DIAPH1: variants seen among roughly 807,000 people sequenced by gnomAD.
DIAPH1 encodes protein diaphanous homolog 1.
In DIAPH1, 46 loss-of-function variants were observed where a neutral mutation model predicts 140.7. That is an observed-to-expected ratio of 0.33 (90% confidence interval 0.26 to 0.42). The LOEUF is 0.42. Ranked by LOEUF, DIAPH1 falls within the 10% of genes least tolerant of loss-of-function variation. The pLI, the probability that DIAPH1 is intolerant of heterozygous loss-of-function variation, is 1.00. For synonymous variants in DIAPH1, 565 were observed against 551.6 expected (o/e 1.02, Z -0.34); for missense variants, 1,310 against 1,558.7 (o/e 0.84, Z 2.69).
chr5:141,571,171 G>A (rs964810215), intron 18 of DIAPH1, among the ~76,000 whole-genome samples: 5 of 152,134 alleles, frequency 3.3e-5, no homozygotes, highest in Non-Finnish European at 7.3e-5. Flanking sequence ...TATTGCTTAC[G>A]TTGTCCCTCA....
intron 3 of DIAPH1, 83 bp from the exon 4 acceptor site, chr5:141,584,308 G>A (rs2099897206): frequency 2.6e-6 from 2 of 761,778 alleles, no homozygotes; most frequent in Non-Finnish European, 2.3e-6. Flanking sequence ...AGTATGCTTA[G>A]TGAAGAGTTG....
intron 18 of DIAPH1, among the ~76,000 whole-genome samples, chr5:141,549,159 G>A (rs925345656): frequency 6.6e-6 from 1 of 151,996 alleles, no homozygotes; most frequent in Non-Finnish European, 1.5e-5. Flanking sequence ...GCTTATAAGG[G>A]ACACACCTTA....
intron 18 of DIAPH1, among the ~76,000 whole-genome samples, chr5:141,560,159 T>C (rs1342666654): frequency 2.0e-5 from 3 of 152,228 alleles, no homozygotes; most frequent in Non-Finnish European, 4.4e-5. Flanking sequence ...TTCCATATAC[T>C]GTACTGGTTG....
intron 27 of DIAPH1, among the ~76,000 whole-genome samples, chr5:141,518,293 G>C (rs1488677611): frequency 4.5e-5 from 6 of 133,596 alleles, no homozygotes; most frequent in Non-Finnish European, 7.8e-5. Context: ...TTTTAGGTAT[G>C]TAAATGATAG....
intron 15 of DIAPH1, 28 bp from the exon 16 acceptor site, chr5:141,574,236 T>C (rs772754524): frequency 6.2e-7 from 1 of 1,612,454 alleles, no homozygotes; most frequent in Admixed American, 1.7e-5. Context: ...ATGTGAGTAC[T>C]TCTCACCCCA....
chr5:141,577,148 T>C (rs545444978), intron 12 of DIAPH1, among the ~76,000 whole-genome samples: 11 of 152,356 alleles, frequency 7.2e-5, no homozygotes, highest in Non-Finnish European at 1.2e-4. Context: ...CTGTGATGGA[T>C]AGTGCTATTG....
At chr5:141,566,144 G>A (rs1171043596) in intron 18 of DIAPH1, among the ~76,000 whole-genome samples, 1 of 152,234 alleles carries the variant, frequency 6.6e-6, no homozygotes, top group Non-Finnish European at 1.5e-5. Flanking sequence ...CTGGAGGCCT[G>A]TTGGGGTCAG....
chr5:141,536,393 T>C (rs1269213865), intron 18 of DIAPH1, among the ~76,000 whole-genome samples: 1 of 152,154 alleles, frequency 6.6e-6, no homozygotes, highest in Non-Finnish European at 1.5e-5. Flanking sequence ...TAAATATTTA[T>C]TGAGTACCTA....
rs1455716205 is a variant in DIAPH1, at chr5:141,618,919, C to T, written c.-5G>A. On this transcript the variant is annotated 5_prime_UTR_variant, in exon 1 of 28. Coordinates refer to ENST00000389054, the MANE Select transcript of DIAPH1 (RefSeq NM_005219.5). ...GCTCCCGCCGGGCGGCTCCATGTCC[C>T]GGTTCACGCTGGCCGGCGACCCCGC... The T allele has an allele frequency of 1.3e-6, 2 of 1,484,264 alleles. No homozygotes were observed. The highest frequency in any genetic ancestry group is 1.8e-6 in the Non-Finnish European group (2 of 1,112,452). The allele number at this position is 1,484,264 out of a possible 1,614,324, so 91.9% of individuals were successfully genotyped here.
intron 1 of DIAPH1, among the ~76,000 whole-genome samples, chr5:141,590,746 A>C (rs1328425475): frequency 6.6e-6 from 1 of 151,878 alleles, no homozygotes; most frequent in East Asian, 1.9e-4. Context: ...AAGTTTAAAA[A>C]AAAAAAAAGG....
At position 141,618,973 on chromosome 5, in the gene DIAPH1, G is replaced by T; in HGVS notation, c.-59C>A. ...TACGCCGCTCCCGCCTGGCAGCTCC[G>T]CGCCCGCCGCCGCCCAGTCGCTCTT... is the stretch of plus-strand genomic sequence containing the variant. On this transcript the variant is annotated 5_prime_UTR_variant, in exon 1 of 28. Transcript: ENST00000389054. 2 of 966,122 alleles carry T rather than the reference G, an allele frequency of 2.1e-6. No individual in the cohort carries two copies. The highest frequency in any genetic ancestry group is 4.7e-5 in the South Asian group (2 of 42,458). 59.8% of individuals were successfully genotyped at this position (966,122 alleles called of 1,614,324 possible).
intron 19 of DIAPH1, among the ~76,000 whole-genome samples, chr5:141,531,080 T>A (rs1326232157): frequency 6.6e-6 from 1 of 152,174 alleles, no homozygotes; most frequent in Admixed American, 6.5e-5. Flanking sequence ...ATTTATTCCA[T>A]AACCACAAAG....
At chr5:141,549,272 T>C (rs926969600) in intron 18 of DIAPH1, among the ~76,000 whole-genome samples, 1 of 152,194 alleles carries the variant, frequency 6.6e-6, no homozygotes, top group East Asian at 1.9e-4. Flanking sequence ...TAGTATCAGA[T>C]AGAGATATCA....
chr5:141,566,924 A>AC (rs2099894470), intron 18 of DIAPH1, among the ~76,000 whole-genome samples: 1 of 151,748 alleles, frequency 6.6e-6, no homozygotes, highest in Non-Finnish European at 1.5e-5. Context: ...ACAAAACAAA[A>AC]CAAAACCACA....
At chr5:141,519,915 A>T (rs2099886251) in intron 27 of DIAPH1, among the ~76,000 whole-genome samples, 1 of 152,206 alleles carries the variant, frequency 6.6e-6, no homozygotes, top group Admixed American at 6.5e-5. Context: ...CTACAAGAGA[A>T]CAGTCCCACA....
chr5:141,541,988 ATC>A (rs2099890059), intron 18 of DIAPH1, among the ~76,000 whole-genome samples: 1 of 152,190 alleles, frequency 6.6e-6, no homozygotes, highest in Admixed American at 6.5e-5. Context: ...GATTCAACAT[ATC>A]CTTTCATCCT....
intron 3 of DIAPH1, among the ~76,000 whole-genome samples, chr5:141,584,893 G>C (rs1453885631): frequency 6.6e-6 from 1 of 152,038 alleles, no homozygotes; most frequent in African/African-American, 2.4e-5. Flanking sequence ...TGGATGGGGG[G>C]ATGTATTCTG....
intron 1 of DIAPH1, among the ~76,000 whole-genome samples, chr5:141,610,382 C>T (rs1214080321): frequency 6.6e-6 from 1 of 152,100 alleles, no homozygotes; most frequent in Non-Finnish European, 1.5e-5. Context: ...CTCACTGCAA[C>T]CTCCACCTCC....
At chr5:141,600,014 C>T (rs1200735261) in intron 1 of DIAPH1, among the ~76,000 whole-genome samples, 4 of 152,182 alleles carry the variant, frequency 2.6e-5, no homozygotes, top group African/African-American at 7.2e-5. Flanking sequence ...AGGCATATAG[C>T]ACCATGCCTG....
Sources: gnomAD v4.1 joint callset for allele counts (sites outside exome capture counted in the v4.1 genomes callset) on GRCh38, gnomAD v4.1.1 for gene constraint, MANE v1.5 for transcripts, NCBI Gene and HGNC (gene_info 2026-07-23, HGNC 2026-07-21) for gene names.